FOXO3: variants seen among roughly 807,000 people sequenced by gnomAD.
FOXO3 encodes the protein forkhead box protein O3.
Under a neutral mutation model 41.9 loss-of-function variants are expected in FOXO3, and 4 were observed. The ratio of observed to expected loss-of-function variants is 0.10; its 90% CI spans 0.05 to 0.22. The LOEUF is 0.22. Among genes scored for constraint, FOXO3 ranks in the 10% least tolerant of loss-of-function variants. The probability of loss-of-function intolerance (pLI) is 1.00; values close to 1 mark genes in which losing one functional copy is unlikely to be tolerated. For missense variants in FOXO3, 534 were observed against 906.8 expected (o/e 0.59, Z 5.28); for synonymous variants, 318 against 389.3 (o/e 0.82, Z 2.16).
chr6:108,607,638 C>T (rs1562242531), intron 1 of FOXO3, among the ~76,000 whole-genome samples: 2 of 152,136 alleles, frequency 1.3e-5, no homozygotes, highest in African/African-American at 4.8e-5. Context: ...TCTTTTCAGT[C>T]TCTAAAGTCT....
Position 108,656,396 on chromosome 6 carries a change from C to A in FOXO3, c.622-7059C>A, listed in dbSNP as rs760708274. The A allele has an allele frequency of 1.1e-5, 11 of 985,088 alleles. No individual in the cohort carries two copies. In the Admixed American group the frequency reaches 1.8e-4, roughly 17 times the overall value. 61.0% of individuals were successfully genotyped at this position (985,088 alleles called of 1,614,324 possible). Reference sequence around the variant, plus strand: ...CATGGTTTGGAAGGGCTGAAGCGGACGTAGGGTACAAAATTTAAGAAATTA... The same window carrying A: ...CATGGTTTGGAAGGGCTGAAGCGGAAGTAGGGTACAAAATTTAAGAAATTA... On this transcript the variant is annotated intron_variant, in intron 1 of 2. Transcript: ENST00000406360.
chr6:108,667,864 G>A (rs1282149198), intron 2 of FOXO3, among the ~76,000 whole-genome samples: 3 of 152,200 alleles, frequency 2.0e-5, no homozygotes, highest in Non-Finnish European at 4.4e-5. Flanking sequence ...ACCATCCAAA[G>A]GACAGTGGGG....
chr6:108,610,104 A>G (rs1777317917), intron 1 of FOXO3, among the ~76,000 whole-genome samples: 1 of 152,094 alleles, frequency 6.6e-6, no homozygotes, highest in African/African-American at 2.4e-5. Flanking sequence ...TCCCCTCCCC[A>G]TATACAGGCT....
At chr6:108,564,139 C>T (rs1425498135) in intron 1 of FOXO3, among the ~76,000 whole-genome samples, 3 of 152,142 alleles carry the variant, frequency 2.0e-5, no homozygotes, top group Non-Finnish European at 2.9e-5. Flanking sequence ...TAATCCTTGA[C>T]GACTAAAGGG....
intron 1 of FOXO3, among the ~76,000 whole-genome samples, chr6:108,662,596 A>G (rs904253987): frequency 6.6e-5 from 10 of 152,344 alleles, no homozygotes; most frequent in African/African-American, 1.9e-4. Context: ...GGAGTCATAG[A>G]AAGGTTAGGT....
At chr6:108,619,851 A>G (rs1777617902) in intron 1 of FOXO3, among the ~76,000 whole-genome samples, 1 of 152,190 alleles carries the variant, frequency 6.6e-6, no homozygotes, top group Non-Finnish European at 1.5e-5. Context: ...AAGAGTTTTA[A>G]TTTGGCGTGT....
At chr6:108,651,373 C>T (rs1778543677) in intron 1 of FOXO3, among the ~76,000 whole-genome samples, 1 of 152,212 alleles carries the variant, frequency 6.6e-6, no homozygotes, top group Non-Finnish European at 1.5e-5. Context: ...CAAACTTTTT[C>T]CTTTCCTAGC....
At chr6:108,627,142 G>A (rs891862148) in intron 1 of FOXO3, among the ~76,000 whole-genome samples, 5 of 152,322 alleles carry the variant, frequency 3.3e-5, no homozygotes, top group African/African-American at 1.2e-4. Context: ...GGAAGTTAAG[G>A]ATTCTGATCT....
intron 1 of FOXO3, among the ~76,000 whole-genome samples, chr6:108,613,288 C>T (rs1294091031): frequency 6.6e-6 from 1 of 152,200 alleles, no homozygotes; most frequent in East Asian, 1.9e-4. Context: ...CTGTTCTGCT[C>T]TGGTAGCACT....
At position 108,589,082 on chromosome 6, in the gene FOXO3, G is replaced by A. The variant is rs75544369; in HGVS notation, c.621+27253G>A. 3.1e-3 allele frequency among the ~76,000 whole-genome samples: 467 copies of A among 152,282 alleles called. 19 individuals are homozygous for A. In the East Asian group the frequency reaches 0.076, roughly 25 times the overall value. On this transcript the variant is annotated intron_variant, in intron 1 of 2. Coordinates refer to ENST00000406360, the MANE Select transcript of FOXO3 (RefSeq NM_001455.4). ...TGATGGAGAAGTTTGATGCAAATCC[G>A]TCTTAAGGAGGAGAATGGAGGCTGT...
At chr6:108,592,854 A>G (rs1274089748) in intron 1 of FOXO3, among the ~76,000 whole-genome samples, 1 of 152,190 alleles carries the variant, frequency 6.6e-6, no homozygotes, top group Admixed American at 6.5e-5. Context: ...TGGTTGGTGC[A>G]CGTGGTAATT....
At position 108,654,627 on chromosome 6, in the gene FOXO3, A is replaced by G. The variant is rs1262543562; in HGVS notation, c.622-8828A>G. Among the ~76,000 whole-genome samples the G allele has an allele frequency of 1.3e-4, 20 of 152,030 alleles. 1 individual carries two copies. Among genetic ancestry groups the G allele is most frequent in the Admixed American group, 1.3e-3 (20 of 15,268 alleles). On this transcript the variant is annotated intron_variant, in intron 1 of 2. Coordinates refer to ENST00000406360, the MANE Select transcript of FOXO3 (RefSeq NM_001455.4). Reference sequence around the variant, plus strand: ...ACTTAAATGTTAGTTTCCAAAGGCCATCTCTGTGGGTAGAGGGTTATCGTC... The same window carrying G: ...ACTTAAATGTTAGTTTCCAAAGGCCGTCTCTGTGGGTAGAGGGTTATCGTC...
At chr6:108,631,702 G>A (rs923908824) in intron 1 of FOXO3, among the ~76,000 whole-genome samples, 3 of 151,992 alleles carry the variant, frequency 2.0e-5, no homozygotes, top group African/African-American at 7.3e-5. Context: ...AATAACATGG[G>A]CATATGCTTA....
Position 108,644,143 on chromosome 6 carries a change from G to A in FOXO3, c.622-19312G>A, listed in dbSNP as rs192236667. Among the ~76,000 whole-genome samples the A allele has an allele frequency of 1.3e-3, 201 of 151,378 alleles. 1 individual carries two copies. The highest frequency in any genetic ancestry group is 5.2e-3 in the South Asian group (25 of 4,812). On this transcript the variant is annotated intron_variant, in intron 1 of 2. Transcript: ENST00000406360. ...TCTCCCTCTCTGAGGCCCTCACTGC[G>A]GCCCTCACTGCATCATGCTTAGGCC...
chr6:108,598,098 A>G (rs1776938904), intron 1 of FOXO3, among the ~76,000 whole-genome samples: 1 of 152,222 alleles, frequency 6.6e-6, no homozygotes, highest in Non-Finnish European at 1.5e-5. Flanking sequence ...CCAGTGATTT[A>G]GTGGGTCATG....
chr6:108,682,828 C>T lies in FOXO3; in HGVS notation c.*3036C>T, dbSNP rs1253604794. ...TTATGATGAGAACTATCCGAGGCCA[C>T]CCTTGGCCTCTAAATAAGCTGCTCT... is the stretch of plus-strand genomic sequence containing the variant. On this transcript the variant is annotated 3_prime_UTR_variant, in exon 3 of 3. Transcript: ENST00000406360. 2 of 152,506 alleles carry T rather than the reference C, an allele frequency of 1.3e-5. No homozygotes were observed. The highest frequency in any genetic ancestry group is 4.8e-5 in the African/African-American group (2 of 41,468). The allele number at this position is 152,506 out of a possible 1,614,324, so 9.4% of individuals were successfully genotyped here.
intron 1 of FOXO3, among the ~76,000 whole-genome samples, chr6:108,643,809 G>A: frequency 6.6e-6 from 1 of 152,158 alleles, no homozygotes; most frequent in East Asian, 1.9e-4. Flanking sequence ...TGACCTTAGT[G>A]CAGAGTTCAG....
chr6:108,678,164 C>T (rs1267636175), intron 2 of FOXO3, among the ~76,000 whole-genome samples: 1 of 152,158 alleles, frequency 6.6e-6, no homozygotes, highest in East Asian at 1.9e-4. Flanking sequence ...CCAGCAAGTG[C>T]AGAGTCACAG....
intron 1 of FOXO3, among the ~76,000 whole-genome samples, chr6:108,658,010 A>G (rs1778738319): frequency 6.6e-6 from 1 of 152,094 alleles, no homozygotes; most frequent in Admixed American, 6.6e-5. Context: ...TGGCTCTTAC[A>G]TGTGAGTTTC....
Sources: allele counts gnomAD v4.1 joint callset (sites outside exome capture counted in the v4.1 genomes callset), GRCh38; gene constraint gnomAD v4.1.1; transcripts MANE v1.5; gene names NCBI Gene and HGNC (gene_info 2026-07-23, HGNC 2026-07-21).